NFIB: variants seen among roughly 807,000 people sequenced by gnomAD.
The protein encoded by NFIB is nuclear factor 1 B-type.
In NFIB, 11 loss-of-function variants were observed where a neutral mutation model predicts 61.5. The observed-to-expected ratio is 0.18, with a 90% confidence interval of 0.11 to 0.30. The LOEUF (loss-of-function observed/expected upper bound fraction) is 0.30. NFIB is among the 10% of genes least tolerant of loss of function. The probability of loss-of-function intolerance (pLI) is 1.00; values close to 1 mark genes in which losing one functional copy is unlikely to be tolerated. For synonymous variants in NFIB, 260 were observed against 216.5 expected, an observed-to-expected ratio of 1.20 and a Z score of -1.76; for missense variants, 471 against 608.9, an observed-to-expected ratio of 0.77 and a Z score of 2.38.
In NFIB at chr9:14,305,926, C is replaced by A. The variant is rs2059993597; in HGVS notation, c.562+1063G>T. 2.5e-5 allele frequency: 31 copies of A among 1,254,448 alleles called. 1 individual carries two copies. In the South Asian group the frequency reaches 6.2e-4, roughly 25 times the overall value. The allele number at this position is 1,254,448 out of a possible 1,614,324, so 77.7% of individuals were successfully genotyped here. A position where few individuals can be genotyped will look rare whatever the true frequency, so the allele number is the denominator to read the frequency against. On this transcript the variant is annotated intron_variant, in intron 2 of 10. Transcript: ENST00000380953. ...CAAACTTCAGTCTACTTTTGGTATG[C>A]GGCTTTGTAAAATGATTGTTTTACT...
At chr9:14,167,486 T>TC (rs912597697) in intron 3 of NFIB, among the ~76,000 whole-genome samples, 4 of 152,056 alleles carry the variant, frequency 2.6e-5, no homozygotes, top group African/African-American at 9.7e-5. Flanking sequence ...TGAGCCAAGA[T>TC]CACACCACTG....
At chr9:14,177,177 C>CA (rs1203507815) in intron 3 of NFIB, among the ~76,000 whole-genome samples, 13 of 152,086 alleles carry the variant, frequency 8.5e-5, no homozygotes, top group African/African-American at 3.1e-4. Flanking sequence ...TCTCAAGACA[C>CA]AAAATCTCAA....
chr9:14,489,206 G>T, the NFIB span, among the ~76,000 whole-genome samples: 1 of 152,116 alleles, frequency 6.6e-6, no homozygotes, highest in Non-Finnish European at 1.5e-5. Flanking sequence ...ACTGAAAAGG[G>T]TTATAAGCAA....
At chr9:14,386,584 C>T (rs1337002502) in intron 1 of NFIB, among the ~76,000 whole-genome samples, 1 of 148,796 alleles carries the variant, frequency 6.7e-6, no homozygotes, top group Non-Finnish European at 1.5e-5. Flanking sequence ...TGCATTCTCA[C>T]AGAGGAACTC....
At chr9:14,441,098 C>T in the NFIB span, among the ~76,000 whole-genome samples, 111 of 141,156 alleles carry the variant, frequency 7.9e-4, 2 homozygotes, top group Non-Finnish European at 8.6e-4. Flanking sequence ...CCCTTGACAG[C>T]TTTCCCTTAA....
intron 2 of NFIB, among the ~76,000 whole-genome samples, chr9:14,188,193 A>G (rs566939701): frequency 6.6e-6 from 1 of 152,214 alleles, no homozygotes; most frequent in African/African-American, 2.4e-5. Flanking sequence ...TGGTAATTAA[A>G]TCAAGATTGC....
At chr9:14,506,947 TA>T in the NFIB span, among the ~76,000 whole-genome samples, 4 of 152,348 alleles carry the variant, frequency 2.6e-5, no homozygotes, top group African/African-American at 9.6e-5. Flanking sequence ...AGGCGTGTTT[TA>T]AATACAGACT....
At chr9:14,337,531 T>C (rs2060899046) in intron 1 of NFIB, among the ~76,000 whole-genome samples, 1 of 152,236 alleles carries the variant, frequency 6.6e-6, no homozygotes, top group Non-Finnish European at 1.5e-5. Flanking sequence ...GCATTGGTGT[T>C]TACTCTATAT....
intron 1 of NFIB, among the ~76,000 whole-genome samples, chr9:14,389,575 A>G (rs887982252): frequency 6.6e-6 from 1 of 152,198 alleles, no homozygotes; most frequent in African/African-American, 2.4e-5. Context: ...TTGAACATTA[A>G]AACATTACAG....
At chr9:14,265,810 G>A (rs2057152615) in intron 2 of NFIB, among the ~76,000 whole-genome samples, 1 of 152,194 alleles carries the variant, frequency 6.6e-6, no homozygotes. Context: ...GTGTAGTGGA[G>A]AGAAAGAGTT....
chr9:14,298,892 T>C (rs891486425), intron 2 of NFIB, among the ~76,000 whole-genome samples: 5 of 152,278 alleles, frequency 3.3e-5, no homozygotes, highest in East Asian at 3.9e-4. Context: ...ACAAGGCAAG[T>C]TGCATCAGGT....
intron 3 of NFIB, among the ~76,000 whole-genome samples, chr9:14,169,536 G>C (rs1251215097): frequency 3.9e-5 from 6 of 152,076 alleles, no homozygotes; most frequent in African/African-American, 1.4e-4. Context: ...GCTAATAAGA[G>C]TCAGCTGGGT....
chr9:14,204,404 C>G, intron 2 of NFIB: 1 of 1,130,128 alleles, frequency 8.8e-7, no homozygotes, highest in Non-Finnish European at 1.3e-6. Flanking sequence ...AGACCTCGCC[C>G]GCTTTGTGAA....
At chr9:14,274,291 C>T (rs1588069257) in intron 2 of NFIB, among the ~76,000 whole-genome samples, 1 of 149,680 alleles carries the variant, frequency 6.7e-6, no homozygotes, top group Non-Finnish European at 1.5e-5. Flanking sequence ...CACACACACA[C>T]GAAGACATCC....
chr9:14,166,599 T>C (rs148899352), intron 3 of NFIB, among the ~76,000 whole-genome samples: 114 of 152,334 alleles, frequency 7.5e-4, no homozygotes, highest in African/African-American at 2.5e-3. Context: ...TTAATCCACA[T>C]AGATAATTTT....
At chr9:14,226,993 T>G (rs1308074411) in intron 2 of NFIB, among the ~76,000 whole-genome samples, 2 of 151,740 alleles carry the variant, frequency 1.3e-5, no homozygotes, top group East Asian at 3.9e-4. Flanking sequence ...CAAAAAAAAT[T>G]AGCCGGCCGT....
chr9:14,139,830 G>A (rs983826697), intron 6 of NFIB, among the ~76,000 whole-genome samples: 13 of 152,150 alleles, frequency 8.5e-5, no homozygotes, highest in Middle Eastern at 3.2e-3. Flanking sequence ...AGATCGTGTT[G>A]TGATTTTTCA....
At chr9:14,528,742 C>G in the NFIB span, among the ~76,000 whole-genome samples, 1 of 152,092 alleles carries the variant, frequency 6.6e-6, no homozygotes, top group Admixed American at 6.5e-5. Flanking sequence ...TACTAAGTCT[C>G]ACAGAGAGCT....
chr9:14,175,247 A>C (rs191207676), intron 3 of NFIB, among the ~76,000 whole-genome samples: 263 of 132,786 alleles, frequency 2.0e-3, no homozygotes, highest in African/African-American at 5.5e-3. Flanking sequence ...GATCTCGGCT[A>C]ACTGCAAGCT....
Sources: gnomAD v4.1 joint callset for allele counts (sites outside exome capture counted in the v4.1 genomes callset) on GRCh38, gnomAD v4.1.1 for gene constraint, MANE v1.5 for transcripts, NCBI Gene and HGNC (gene_info 2026-07-23, HGNC 2026-07-21) for gene names.